MUC17: variants seen among roughly 807,000 people sequenced by gnomAD.
MUC17 encodes mucin 17, cell surface associated.
MUC17 carries 190 observed loss-of-function variants against 170.3 expected under a neutral mutation model. That is an observed-to-expected ratio of 1.12 (90% CI 0.99 to 1.26). The LOEUF is 1.26. MUC17 is among the 50% of genes most tolerant of loss of function. The pLI is 0.00. For synonymous variants in MUC17, 2,325 were observed against 2,002.5 expected, an observed-to-expected ratio of 1.16 and a Z score of -4.30; for missense variants, 6,415 against 5,530.0, an observed-to-expected ratio of 1.16 and a Z score of -5.08.
In MUC17 at chr7:101,039,503, A is replaced by T. The variant is rs763306631; in HGVS notation, c.8087A>T (p.Asn2696Ile). The T allele has an allele frequency of 3.8e-6, 6 of 1,590,698 alleles. 1 individual carries two copies. Among genetic ancestry groups the T allele is most frequent in the Non-Finnish European group, 5.1e-6 (6 of 1,170,650 alleles). Residue 2696 changes from asparagine to isoleucine, a missense_variant, in exon 3 of 13, where the codon AAT (asparagine) becomes ATT (isoleucine). Transcript: ENST00000306151. ...GGTGAAAGAAGCACTCCATTAACAA[A>T]TATACTTGTCAGCACCACGCTGTTG... Reference protein sequence around the residue: ...TPGERSTPLTNILVSTTLLAN... With the variant: ...TPGERSTPLTIILVSTTLLAN...
intron 11 of MUC17, among the ~76,000 whole-genome samples, chr7:101,055,328 A>C: frequency 7.0e-6 from 1 of 143,464 alleles, no homozygotes; most frequent in East Asian, 1.9e-4. Context: ...TAGAAACAAA[A>C]GTGTAGAAAA....
In MUC17 at chr7:101,042,197, G is replaced by T; in HGVS notation, c.10781G>T (p.Ser3594Ile). ...ACATATGTGACCAGTTCTGAGGCTAGCACACCTTCCACTCCTTCTGTTGAC... is the reference window on the plus strand; with the variant it reads ...ACATATGTGACCAGTTCTGAGGCTATCACACCTTCCACTCCTTCTGTTGAC... Reference protein sequence around the residue: ...SSTYVTSSEASTPSTPSVDRS... With the variant: ...SSTYVTSSEAITPSTPSVDRS... The change falls in exon 3 of 13, where the codon AGC (serine) becomes ATC (isoleucine). Residue 3594 changes from serine to isoleucine, a missense_variant. By Grantham distance (142) the Ser-to-Ile change is moderately radical. Transcript: ENST00000306151. 1 of 1,614,148 alleles carries T rather than the reference G, an allele frequency of 6.2e-7. No homozygotes were observed. The highest frequency in any genetic ancestry group is 8.5e-7 in the Non-Finnish European group (1 of 1,180,022).
At position 101,042,799 on chromosome 7, in the gene MUC17, C is replaced by T. The variant is rs1794755319; in HGVS notation, c.11383C>T (p.Pro3795Ser). Reference protein sequence around the residue: ...MTTASEGSSSPTTLEGTTTMP... With the variant: ...MTTASEGSSSSTTLEGTTTMP... ...CACTGCCTCTGAAGGCAGTTCATCT[C>T]CTACAACTCTTGAAGGCACCACCAC... is the stretch of plus-strand genomic sequence containing the variant. Residue 3795 changes from proline to serine, a missense_variant, in exon 3 of 13, where the codon CCT becomes TCT. Coordinates refer to ENST00000306151, the MANE Select transcript of MUC17 (RefSeq NM_001040105.2). The T allele has an allele frequency of 6.2e-7, 1 of 1,614,040 alleles. No individual in the cohort carries two copies. The highest frequency in any genetic ancestry group is 8.5e-7 in the Non-Finnish European group (1 of 1,180,034).
chr7:101,034,234 G>C lies in MUC17; in HGVS notation c.2818G>C (p.Glu940Gln). The part of the protein sequence containing the change: ...PDSTTPVVSS[E>Q]ARTLSATPVD... ...CAGCACCACGCCGGTAGTCAGTTCTGAGGCTAGAACACTTTCAGCAACTCC... is the reference window on the plus strand; with the variant it reads ...CAGCACCACGCCGGTAGTCAGTTCTCAGGCTAGAACACTTTCAGCAACTCC... Residue 940 changes from glutamate to glutamine, a missense_variant, in exon 3 of 13, where the codon GAG becomes CAG. Physicochemically the swap from Glu to Gln is conservative, Grantham distance 29. Coordinates refer to ENST00000306151, the MANE Select transcript of MUC17 (RefSeq NM_001040105.2). The C allele has an allele frequency of 1.2e-6, 2 of 1,602,120 alleles. No individual in the cohort carries two copies. The highest frequency in any genetic ancestry group is 1.7e-6 in the Non-Finnish European group (2 of 1,174,082).
chr7:101,027,906 G>T (rs1313816956), intron 1 of MUC17, among the ~76,000 whole-genome samples: 1 of 151,840 alleles, frequency 6.6e-6, no homozygotes, highest in Non-Finnish European at 1.5e-5. Context: ...CAAGTAGCTG[G>T]TACTACAGGT....
At chr7:101,023,174 C>A (rs894857882) in intron 1 of MUC17, among the ~76,000 whole-genome samples, 1 of 152,052 alleles carries the variant, frequency 6.6e-6, no homozygotes, top group African/African-American at 2.4e-5. Flanking sequence ...CTTCATCTCG[C>A]TGTGGGTGTG....
rs1053736987 is a variant in MUC17 at position 101,037,415 on chromosome 7, C to T, written c.5999C>T (p.Ser2000Phe). 38 of 1,612,280 alleles carry T rather than the reference C, an allele frequency of 2.4e-5. No individual in the cohort carries two copies. Among genetic ancestry groups the T allele is most frequent in the Non-Finnish European group, 2.9e-5 (34 of 1,178,942 alleles). ...MPLSTTLVVS[S>F]EASTLSTTPV... ...CTCAGCACCACGCTGGTGGTCAGTTCTGAGGCTAGCACTCTTTCCACAACT... is the reference window on the plus strand; with the variant it reads ...CTCAGCACCACGCTGGTGGTCAGTTTTGAGGCTAGCACTCTTTCCACAACT... Residue 2000 changes from serine to phenylalanine, a missense_variant, in exon 3 of 13, where the codon TCT becomes TTT. By Grantham distance (155) the Ser-to-Phe change is radical. Coordinates refer to ENST00000306151, the MANE Select transcript of MUC17 (RefSeq NM_001040105.2).
rs558390105 is a variant in MUC17 at position 101,044,180 on chromosome 7, T to A, written c.12403+361T>A. 2.0e-5 allele frequency among the ~76,000 whole-genome samples: 3 copies of A among 152,316 alleles called. No homozygotes were observed. In the South Asian group the frequency reaches 6.2e-4, roughly 32 times the overall value. On this transcript the variant is annotated intron_variant, in intron 3 of 12. Transcript: ENST00000306151. ...ACAAAGGATGTGAACTCGTCCTTTT[T>A]TAATGGCTGCATAGTATTCCATGGA...
Position 101,037,409 on chromosome 7 carries a change from T to G in MUC17, c.5993T>G (p.Val1998Gly). Residue 1998 changes from valine (V) to glycine (G), a missense_variant, in exon 3 of 13, where the codon GTC (valine) becomes GGC (glycine). Transcript: ENST00000306151. ...TSMPLSTTLV[V>G]SSEASTLSTT... Reference sequence around the variant, plus strand: ...ATGCCTCTCAGCACCACGCTGGTGGTCAGTTCTGAGGCTAGCACTCTTTCC... The same window carrying G: ...ATGCCTCTCAGCACCACGCTGGTGGGCAGTTCTGAGGCTAGCACTCTTTCC... 1 of 1,608,914 alleles carries G rather than the reference T, an allele frequency of 6.2e-7. No homozygotes were observed. The highest frequency in any genetic ancestry group is 8.5e-7 in the Non-Finnish European group (1 of 1,177,932).
chr7:101,049,263 A>C (rs1479715951), intron 5 of MUC17, 61 bp from the exon 6 acceptor site: 2 of 1,610,390 alleles, frequency 1.2e-6, no homozygotes, highest in Non-Finnish European at 1.7e-6. Context: ...TGACCTCCTG[A>C]TGTCCCACAG....
rs539323654 is a variant in MUC17 at position 101,035,440 on chromosome 7, A to G, written c.4024A>G (p.Ile1342Val). ...YSEGRTPLTS[I>V]PVNTTLVASS... ...TGAAGGAAGAACTCCTTTAACAAGT[A>G]TACCTGTCAACACCACACTGGTGGC... Residue 1342 changes from isoleucine to valine, a missense_variant, in exon 3 of 13, where the codon ATA (isoleucine) becomes GTA (valine). Coordinates refer to ENST00000306151, the MANE Select transcript of MUC17 (RefSeq NM_001040105.2). 3.1e-6 allele frequency: 5 copies of G among 1,602,458 alleles called. No individual in the cohort carries two copies. The East Asian group carries it at 9.1e-5, about 29-fold the overall frequency.
rs1209388553 is a variant in MUC17, at chr7:101,037,526, C to G, written c.6110C>G (p.Ser2037Ter). Residue 2037 changes from serine to a stop codon, truncating the protein, a stop_gained, in exon 3 of 13, where the codon TCA becomes TGA. Transcript: ENST00000306151. LOFTEE classifies it high-confidence loss of function. ...TTAGGTSIQTSTPSERTTPLA... is the reference protein window; with the variant it reads ...TTAGGTSIQT The stretch of plus-strand genomic sequence containing the variant: ...GCAGGAGGTACCAGCATACAAACCT[C>G]AACTCCTAGTGAACGGACCACTCCA... 6.2e-7 allele frequency: 1 copy of G among 1,613,914 alleles called. No individual in the cohort carries two copies. Among genetic ancestry groups the G allele is most frequent in the Non-Finnish European group, 8.5e-7 (1 of 1,179,896 alleles).
rs1267834219 is a variant in MUC17, at chr7:101,039,041, C to G, written c.7625C>G (p.Ser2542Cys). ...ACCCTTTCAACAACTCCTGTTGACT[C>G]CAACAGTCCTGTGGTCACTTCTACT... is the stretch of plus-strand genomic sequence containing the variant. The part of the protein sequence containing the change: ...ASTLSTTPVD[S>C]NSPVVTSTEI... Residue 2542 changes from serine to cysteine, a missense_variant, in exon 3 of 13, where the codon TCC (serine) becomes TGC (cysteine). Ser to Cys is a moderately radical substitution (Grantham distance 112). Coordinates refer to ENST00000306151, the MANE Select transcript of MUC17 (RefSeq NM_001040105.2). 1 of 1,613,630 alleles carries G rather than the reference C, an allele frequency of 6.2e-7. No individual in the cohort carries two copies. Among genetic ancestry groups the G allele is most frequent in the Non-Finnish European group, 8.5e-7 (1 of 1,179,928 alleles).
rs1482364678 is a variant in MUC17, at chr7:101,034,937, G to T, written c.3521G>T (p.Ser1174Ile). Residue 1174 changes from serine to isoleucine, a missense_variant, in exon 3 of 13, where the codon AGT (serine) becomes ATT (isoleucine). Ser to Ile is a moderately radical substitution (Grantham distance 142). Transcript: ENST00000306151. ...SMPVSTTLVV[S>I]SEANTLSTTP... Reference sequence around the variant, plus strand: ...CCTGTCAGCACCACGCTGGTGGTCAGTTCTGAGGCTAACACCCTTTCAACA... The same window carrying T: ...CCTGTCAGCACCACGCTGGTGGTCATTTCTGAGGCTAACACCCTTTCAACA... The T allele has an allele frequency of 3.1e-6, 5 of 1,614,102 alleles. No individual in the cohort carries two copies. Among genetic ancestry groups the T allele is most frequent in the Non-Finnish European group, 4.2e-6 (5 of 1,179,996 alleles).
In MUC17 at chr7:101,034,084, G is replaced by C; in HGVS notation, c.2668G>C (p.Val890Leu). ...SAISTLSTTP[V>L]DTSTPVTNST... ...AATCAGCACCCTTTCAACAACTCCT[G>C]TTGACACCAGCACACCTGTGACCAA... The change falls in exon 3 of 13, where the codon GTT (valine) becomes CTT (leucine). Residue 890 changes from valine (V) to leucine (L), a missense_variant. Coordinates refer to ENST00000306151, the MANE Select transcript of MUC17 (RefSeq NM_001040105.2). 6.3e-7 allele frequency: 1 copy of C among 1,584,558 alleles called. No homozygotes were observed. The highest frequency in any genetic ancestry group is 8.6e-7 in the Non-Finnish European group (1 of 1,165,068).
Position 101,042,141 on chromosome 7 carries a change from C to A in MUC17, c.10725C>A (p.Ser3575Arg). 1 of 1,614,188 alleles carries A rather than the reference C, an allele frequency of 6.2e-7. No homozygotes were observed. The highest frequency in any genetic ancestry group is 8.5e-7 in the Non-Finnish European group (1 of 1,180,020). The part of the protein sequence containing the change: ...TMRMSTPSEG[S>R]SSLTTMLLSS... ...GTATGTCTACTCCAAGTGAAGGAAG[C>A]TCTTCATTAACAACTATGCTCCTCA... Residue 3575 changes from serine (S) to arginine (R), a missense_variant, in exon 3 of 13, where the codon AGC becomes AGA. Physicochemically the swap from Ser to Arg is moderately radical, Grantham distance 110. Coordinates refer to ENST00000306151, the MANE Select transcript of MUC17 (RefSeq NM_001040105.2).
chr7:101,045,401 C>CTTTTTCT (rs535587318), intron 3 of MUC17, among the ~76,000 whole-genome samples: 1 of 144,752 alleles, frequency 6.9e-6, no homozygotes, highest in East Asian at 2.0e-4. Flanking sequence ...TTTTCTTTTT[C>CTTTTTCT]TTTTTTTTTT....
rs369914364 is a variant in MUC17, at chr7:101,039,870, C to A, written c.8454C>A (p.Asn2818Lys). Residue 2818 changes from asparagine to lysine, a missense_variant, in exon 3 of 13, where the codon AAC (asparagine) becomes AAA (lysine). Physicochemically the swap from Asn to Lys is moderately conservative, Grantham distance 94. Transcript: ENST00000306151. Reference sequence around the variant, plus strand: ...CTCCATTAACTAGTATGCCTGTCAACCACACGCCAGTGGCCAGTTCTGAGG... The same window carrying A: ...CTCCATTAACTAGTATGCCTGTCAAACACACGCCAGTGGCCAGTTCTGAGG... ...TSTPLTSMPV[N>K]HTPVASSEAG... 9.9e-6 allele frequency: 16 copies of A among 1,612,426 alleles called. No individual in the cohort carries two copies. The South Asian group carries it at 1.5e-4, about 16-fold the overall frequency.
Position 101,033,854 on chromosome 7 carries a change from T to G in MUC17, c.2438T>G (p.Val813Gly). The change falls in exon 3 of 13, where the codon GTC (valine) becomes GGC (glycine). Residue 813 changes from valine (V) to glycine (G), a missense_variant. Val to Gly is a moderately radical substitution (Grantham distance 109, BLOSUM62 -3). Coordinates refer to ENST00000306151, the MANE Select transcript of MUC17 (RefSeq NM_001040105.2). ...EGSPLLTSIP[V>G]SITPVTSPEA... ...AGTCCTTTATTAACAAGTATACCTG[T>G]CAGCATCACACCGGTGACCAGTCCT... The G allele has an allele frequency of 6.2e-7, 1 of 1,613,070 alleles. No homozygotes were observed. Among genetic ancestry groups the G allele is most frequent in the Non-Finnish European group, 8.5e-7 (1 of 1,179,766 alleles).
Sources: allele counts gnomAD v4.1 joint callset (sites outside exome capture counted in the v4.1 genomes callset), GRCh38; gene constraint gnomAD v4.1.1; transcripts MANE v1.5; gene names NCBI Gene and HGNC (gene_info 2026-07-23, HGNC 2026-07-21).